ADGRB3: variants seen among roughly 807,000 people sequenced by gnomAD.
The protein encoded by ADGRB3 is brain-specific angiogenesis inhibitor 3.
ADGRB3 carries 37 observed loss-of-function variants against 193.4 expected under a neutral mutation model. That is an observed-to-expected ratio of 0.19 (90% CI 0.15 to 0.25). The LOEUF is 0.25. ADGRB3 is among the 10% of genes least tolerant of loss of function. The probability of loss-of-function intolerance (pLI) is 1.00; values close to 1 mark genes in which losing one functional copy is unlikely to be tolerated. For synonymous variants in ADGRB3, 690 were observed against 644.2 expected, an observed-to-expected ratio of 1.07 and a Z score of -1.08; for missense variants, 1,637 against 1,852.9, an observed-to-expected ratio of 0.88 and a Z score of 2.14.
intron 17 of ADGRB3, among the ~76,000 whole-genome samples, chr6:69,119,139 A>G (rs114919434): frequency 1.5e-3 from 228 of 152,336 alleles, no homozygotes; most frequent in African/African-American, 5.0e-3. Flanking sequence ...TTTACATAGA[A>G]GTCAGAAACT....
chr6:68,904,473 A>T (rs372837517), intron 3 of ADGRB3, among the ~76,000 whole-genome samples: 10 of 152,282 alleles, frequency 6.6e-5, no homozygotes, highest in African/African-American at 1.7e-4. Context: ...TGCTACAAAG[A>T]CGTAACCAAT....
intron 20 of ADGRB3, among the ~76,000 whole-genome samples, chr6:69,280,446 A>G (rs1192430762): frequency 6.6e-6 from 1 of 152,172 alleles, no homozygotes; most frequent in East Asian, 1.9e-4. Flanking sequence ...CGAGTTTTGA[A>G]TTCTGGCTCC....
At chr6:68,774,091 A>G (rs1024529339) in intron 3 of ADGRB3, among the ~76,000 whole-genome samples, 9 of 152,126 alleles carry the variant, frequency 5.9e-5, no homozygotes, top group African/African-American at 2.2e-4. Flanking sequence ...GATGTCTAAT[A>G]TATTTCAGAT....
chr6:69,243,365 G>A (rs1345317161), intron 20 of ADGRB3, among the ~76,000 whole-genome samples: 1 of 151,980 alleles, frequency 6.6e-6, no homozygotes, highest in Non-Finnish European at 1.5e-5. Context: ...CACCCTGTAT[G>A]TAACATTCAG....
chr6:69,231,391 G>A (rs764778261), intron 17 of ADGRB3, among the ~76,000 whole-genome samples: 10 of 152,210 alleles, frequency 6.6e-5, no homozygotes, highest in Admixed American at 2.6e-4. Context: ...AAAAGTGTAA[G>A]TACTGGACTC....
In ADGRB3 at chr6:68,763,529, A is replaced by T. The variant is rs146939477; in HGVS notation, c.757+124097A>T. 4.4e-3 allele frequency among the ~76,000 whole-genome samples: 664 copies of T among 152,340 alleles called. 4 individuals are homozygous for T. Among genetic ancestry groups the T allele is most frequent in the Middle Eastern group, 0.014 (4 of 294 alleles). On this transcript the variant is annotated intron_variant, in intron 3 of 31. Coordinates refer to ENST00000370598, the MANE Select transcript of ADGRB3 (RefSeq NM_001704.3). ...AAATAAGTTAACATGAAATTTTAATATACCTATGTTTTGCTCATATTAAAG... is the reference window on the plus strand; with the variant it reads ...AAATAAGTTAACATGAAATTTTAATTTACCTATGTTTTGCTCATATTAAAG...
chr6:68,773,341 A>G (rs963968909), intron 3 of ADGRB3, among the ~76,000 whole-genome samples: 10 of 152,074 alleles, frequency 6.6e-5, no homozygotes, highest in Non-Finnish European at 1.2e-4. Context: ...TCTACCCTGT[A>G]CTATGTGCGC....
In ADGRB3 at chr6:68,906,970, C is replaced by A. The variant is rs1291579817; in HGVS notation, c.758-23589C>A. The stretch of plus-strand genomic sequence containing the variant: ...CTTCACTATTTTCCTTTTTATCCTG[C>A]CACTTAACTGTGAGACATTAGGCAA... On this transcript the variant is annotated intron_variant, in intron 3 of 31. Coordinates refer to ENST00000370598, the MANE Select transcript of ADGRB3 (RefSeq NM_001704.3). Among the ~76,000 whole-genome samples, 9 of 151,932 alleles carry A rather than the reference C, an allele frequency of 5.9e-5. No individual in the cohort carries two copies. The South Asian group carries it at 1.7e-3, about 28-fold the overall frequency.
intron 8 of ADGRB3, among the ~76,000 whole-genome samples, chr6:68,972,707 A>C (rs1582361457): frequency 6.6e-6 from 1 of 152,164 alleles, no homozygotes; most frequent in Non-Finnish European, 1.5e-5. Flanking sequence ...TTATATTACT[A>C]TTATTAATAT....
chr6:69,374,107 T>C (rs1213477326), intron 30 of ADGRB3, among the ~76,000 whole-genome samples: 1 of 152,050 alleles, frequency 6.6e-6, no homozygotes, highest in Non-Finnish European at 1.5e-5. Flanking sequence ...AGCTCTTTAA[T>C]TGCTGTAATC....
At chr6:68,922,826 A>G (rs1767081452) in intron 3 of ADGRB3, among the ~76,000 whole-genome samples, 1 of 152,202 alleles carries the variant, frequency 6.6e-6, no homozygotes, top group Non-Finnish European at 1.5e-5. Flanking sequence ...TTTAGTATGT[A>G]AAGCACAGCT....
At chr6:69,153,950 A>G (rs372357643) in intron 17 of ADGRB3, among the ~76,000 whole-genome samples, 23 of 152,160 alleles carry the variant, frequency 1.5e-4, no homozygotes, top group East Asian at 1.4e-3. Flanking sequence ...CCGAGATTGC[A>G]CCACTGCACT....
At chr6:69,147,607 G>A (rs1270557226) in intron 17 of ADGRB3, among the ~76,000 whole-genome samples, 1 of 152,138 alleles carries the variant, frequency 6.6e-6, no homozygotes, top group African/African-American at 2.4e-5. Context: ...GAAGAAGAAT[G>A]TGCATTCTGC....
intron 8 of ADGRB3, among the ~76,000 whole-genome samples, chr6:68,966,570 G>A (rs1450150991): frequency 1.3e-5 from 2 of 152,012 alleles, no homozygotes; most frequent in African/African-American, 4.8e-5. Flanking sequence ...CTTCATTGGT[G>A]GAAGTCCTGC....
chr6:68,674,507 G>A (rs770252699), intron 3 of ADGRB3, among the ~76,000 whole-genome samples: 2 of 152,008 alleles, frequency 1.3e-5, no homozygotes, highest in Non-Finnish European at 2.9e-5. Flanking sequence ...CTTATTAGGC[G>A]TGACAAAGCA....
chr6:69,242,293 G>A (rs1010358182), intron 20 of ADGRB3, among the ~76,000 whole-genome samples: 1 of 151,832 alleles, frequency 6.6e-6, no homozygotes, highest in Non-Finnish European at 1.5e-5. Context: ...TTTTGTATAG[G>A]ATCCCTTTGC....
chr6:69,320,730 T>A (rs967267002), intron 20 of ADGRB3, among the ~76,000 whole-genome samples: 18 of 151,636 alleles, frequency 1.2e-4, no homozygotes, highest in African/African-American at 4.4e-4. Context: ...TCTTCGTCAA[T>A]ATCTTTCTTT....
rs556348882 is a variant in ADGRB3 at position 69,295,187 on chromosome 6, C to T, written c.2815-29685C>T. On this transcript the variant is annotated intron_variant, in intron 20 of 31. Transcript: ENST00000370598. ...CAGTAGATTCGGTGATCTTTGAATC[C>T]ATATCTAATATATAAATAACGAGGT... is the stretch of plus-strand genomic sequence containing the variant. 4.6e-4 allele frequency among the ~76,000 whole-genome samples: 70 copies of T among 152,234 alleles called. 1 individual carries two copies. The highest frequency in any genetic ancestry group is 1.6e-3 in the African/African-American group (66 of 41,544).
chr6:68,913,319 C>T (rs1262108316), intron 3 of ADGRB3, among the ~76,000 whole-genome samples: 2 of 152,168 alleles, frequency 1.3e-5, no homozygotes, highest in East Asian at 1.9e-4. Context: ...TGACACCTCA[C>T]ACGGCCGGGT....
Sources: allele counts gnomAD v4.1 joint callset (sites outside exome capture counted in the v4.1 genomes callset), GRCh38; gene constraint gnomAD v4.1.1; transcripts MANE v1.5; gene names NCBI Gene and HGNC (gene_info 2026-07-23, HGNC 2026-07-21).